RCBTB1: variants seen among roughly 807,000 people sequenced by gnomAD.
The protein encoded by RCBTB1 is RCC1 and BTB domain containing protein 1.
In RCBTB1, 46 loss-of-function variants were observed where a neutral mutation model predicts 62.4. The ratio of observed to expected loss-of-function variants is 0.74; its 90% confidence interval spans 0.58 to 0.94. The LOEUF (loss-of-function observed/expected upper bound fraction) is 0.94, where lower values mean the gene tolerates loss of function less well. Ranked by LOEUF, RCBTB1 falls within the 40% of genes least tolerant of loss-of-function variation. The pLI is 0.00. For missense variants in RCBTB1, 565 were observed against 654.9 expected (o/e 0.86, Z 1.50); for synonymous variants, 222 against 245.8 (o/e 0.90, Z 0.91).
intron 6 of RCBTB1, 43 bp from the exon 7 acceptor site, chr13:49,552,328 T>C (rs1425974971): frequency 7.5e-7 from 1 of 1,333,208 alleles, no homozygotes; most frequent in South Asian, 1.3e-5. Flanking sequence ...TTTAAACTGC[T>C]GGTAAGAAGG....
chr13:49,583,871 GT>G (rs1964246827), intron 1 of RCBTB1, among the ~76,000 whole-genome samples: 1 of 152,030 alleles, frequency 6.6e-6, no homozygotes, highest in Non-Finnish European at 1.5e-5. Context: ...TTAACTTTTT[GT>G]AAAACCAGAG....
intron 12 of RCBTB1, among the ~76,000 whole-genome samples, chr13:49,538,970 A>G (rs1394008018): frequency 6.6e-6 from 1 of 151,442 alleles, no homozygotes; most frequent in African/African-American, 2.4e-5. Context: ...CCCAGATTCA[A>G]GCAATTCTCC....
intron 1 of RCBTB1, among the ~76,000 whole-genome samples, chr13:49,585,195 G>A (rs969680113): frequency 2.6e-5 from 4 of 152,144 alleles, no homozygotes; most frequent in African/African-American, 9.7e-5. Flanking sequence ...ACTTTCCCTC[G>A]CCTCTCCCCA....
At chr13:49,535,168 A>G (rs1959843441) in intron 12 of RCBTB1, among the ~76,000 whole-genome samples, 1 of 152,184 alleles carries the variant, frequency 6.6e-6, no homozygotes, top group Non-Finnish European at 1.5e-5. Context: ...CCACAGAAGT[A>G]TATTTACACA....
intron 2 of RCBTB1, among the ~76,000 whole-genome samples, chr13:49,577,930 CTA>C (rs1283371558): frequency 2.0e-5 from 3 of 152,106 alleles, no homozygotes; most frequent in African/African-American, 4.8e-5. Flanking sequence ...AGAGGTTTCT[CTA>C]TTTTTGTAAA....
rs937257030 is a variant in RCBTB1 at position 49,532,915 on chromosome 13, T to C, written c.*1207A>G. On this transcript the variant is annotated 3_prime_UTR_variant, in exon 13 of 13. Transcript: ENST00000378302. Reference sequence around the variant, plus strand: ...CGGACACACATGATGAAACTCACAGTTGAACACTCTTACATCCCAAAGTCA... The same window carrying C: ...CGGACACACATGATGAAACTCACAGCTGAACACTCTTACATCCCAAAGTCA... 1 of 152,182 alleles carries C rather than the reference T, an allele frequency of 6.6e-6. No homozygotes were observed. Among genetic ancestry groups the C allele is most frequent in the Non-Finnish European group, 1.5e-5 (1 of 68,036 alleles). The allele number at this position is 152,182 out of a possible 1,614,324, so 9.4% of individuals were successfully genotyped here. A position where few individuals can be genotyped will look rare whatever the true frequency, so the allele number is the denominator to read the frequency against.
rs544584726 is a variant in RCBTB1 at position 49,532,830 on chromosome 13, T to C, written c.*1292A>G. 6.6e-6 allele frequency: 1 copy of C among 152,112 alleles called. No individual in the cohort carries two copies. The highest frequency in any genetic ancestry group is 6.6e-5 in the Admixed American group (1 of 15,264). The allele number at this position is 152,112 out of a possible 1,614,324, so 9.4% of individuals were successfully genotyped here. ...AATTCACTAAGGGAACTCACTCAAATGGAAATGAGTTCATGGACCAGAGAG... is the reference window on the plus strand; with the variant it reads ...AATTCACTAAGGGAACTCACTCAAACGGAAATGAGTTCATGGACCAGAGAG... On this transcript the variant is annotated 3_prime_UTR_variant, in exon 13 of 13. Coordinates refer to ENST00000378302, the MANE Select transcript of RCBTB1 (RefSeq NM_018191.4).
At chr13:49,569,108 G>A (rs955575365) in intron 2 of RCBTB1, among the ~76,000 whole-genome samples, 1 of 152,160 alleles carries the variant, frequency 6.6e-6, no homozygotes, top group African/African-American at 2.4e-5. Context: ...CTGCACCCAG[G>A]CAACCTGAAG....
chr13:49,552,143 T>C (rs1961415825), intron 7 of RCBTB1, 35 bp downstream of exon 7: 2 of 1,345,822 alleles, frequency 1.5e-6, no homozygotes, highest in African/African-American at 1.4e-5. Flanking sequence ...GGAAGGTAGA[T>C]GGGAAGCCAC....
chr13:49,585,426 C>G lies in RCBTB1; in HGVS notation c.-122+18G>C, dbSNP rs1208288408. On this transcript the variant is annotated intron_variant, in intron 1 of 12. Transcript: ENST00000378302. The stretch of plus-strand genomic sequence containing the variant: ...GGGAAGAGGCCTCCGCGAGCTCGAC[C>G]CCGCGCCCACACGCTACCTGCGAGG... 6.6e-6 allele frequency: 1 copy of G among 152,376 alleles called. No homozygotes were observed. Among genetic ancestry groups the G allele is most frequent in the Non-Finnish European group, 1.5e-5 (1 of 68,202 alleles). 9.4% of individuals were successfully genotyped at this position (152,376 alleles called of 1,614,324 possible). A position where few individuals can be genotyped will look rare whatever the true frequency, so the allele number is the denominator to read the frequency against.
chr13:49,548,233 T>C (rs2139163268), intron 9 of RCBTB1, among the ~76,000 whole-genome samples: 1 of 151,186 alleles, frequency 6.6e-6, no homozygotes, highest in Admixed American at 6.6e-5. Context: ...CTACTAAAAA[T>C]ATAAAAAAAT....
chr13:49,565,799 G>C (rs1228976499), intron 4 of RCBTB1, among the ~76,000 whole-genome samples: 38 of 151,822 alleles, frequency 2.5e-4, no homozygotes, highest in African/African-American at 8.5e-4. Context: ...CCATGATGAC[G>C]ATGGCGGTTT....
intron 4 of RCBTB1, among the ~76,000 whole-genome samples, chr13:49,566,254 CA>C (rs1408641334): frequency 1.5e-5 from 2 of 131,460 alleles, no homozygotes; most frequent in East Asian, 4.3e-4. Context: ...CAAGAATGAT[CA>C]ATAAAAAAAT....
intron 1 of RCBTB1, among the ~76,000 whole-genome samples, chr13:49,584,861 C>A (rs1386381695): frequency 6.6e-6 from 1 of 152,116 alleles, no homozygotes; most frequent in African/African-American, 2.4e-5. Flanking sequence ...CATCTTAAAC[C>A]GAGCAGGTAG....
At chr13:49,562,514 C>CAAAA (rs55875979) in intron 4 of RCBTB1, among the ~76,000 whole-genome samples, 2 of 115,334 alleles carry the variant, frequency 1.7e-5, no homozygotes, top group Admixed American at 9.6e-5. Flanking sequence ...GACCCTGTCT[C>CAAAA]AAAAAAAAAA....
intron 8 of RCBTB1, 51 bp downstream of exon 8, chr13:49,551,275 C>T: frequency 4.4e-6 from 7 of 1,601,614 alleles, no homozygotes; most frequent in Non-Finnish European, 6.0e-6. Flanking sequence ...CACACACAGC[C>T]CCAAGGCCAC....
At chr13:49,573,730 G>A (rs1038746752) in intron 2 of RCBTB1, among the ~76,000 whole-genome samples, 7 of 151,148 alleles carry the variant, frequency 4.6e-5, no homozygotes, top group Admixed American at 3.3e-4. Context: ...GATTACAGGC[G>A]TGAGCCACCG....
intron 4 of RCBTB1, among the ~76,000 whole-genome samples, chr13:49,565,550 C>G (rs1323222006): frequency 6.9e-6 from 1 of 145,028 alleles, no homozygotes; most frequent in Admixed American, 6.7e-5. Flanking sequence ...TCCCGGCCGC[C>G]ACCCCATCTA....
rs2274279 is a variant in RCBTB1 at position 49,552,354 on chromosome 13, C to T, written c.604-69G>A. On this transcript the variant is annotated intron_variant, in intron 6 of 12. Transcript: ENST00000378302. ...GGTAAGAAGGAAGAGACAAAAAAAC[C>T]AGCCCATCTAAACAAATCAGATACT... The T allele has an allele frequency of 0.18, 174,298 of 956,694 alleles. 20,226 individuals are homozygous for T. Among genetic ancestry groups the T allele is most frequent in the African/African-American group, 0.44 (26,686 of 60,436 alleles). 59.3% of individuals were successfully genotyped at this position (956,694 alleles called of 1,614,324 possible). A position where few individuals can be genotyped will look rare whatever the true frequency, so the allele number is the denominator to read the frequency against.
Sources: allele counts gnomAD v4.1 joint callset (sites outside exome capture counted in the v4.1 genomes callset), GRCh38; gene constraint gnomAD v4.1.1; transcripts MANE v1.5; gene names NCBI Gene and HGNC (gene_info 2026-07-23, HGNC 2026-07-21).